Variants in MAP3K4 observed in about 807,000 individuals in gnomAD.
The protein encoded by MAP3K4 is mitogen-activated protein kinase kinase kinase 4.
A neutral mutation model predicts 185.6 loss-of-function variants in MAP3K4; 67 were observed. The observed-to-expected ratio is 0.36, with a 90% CI of 0.30 to 0.44. MAP3K4 has a LOEUF of 0.44. Among genes scored for constraint, MAP3K4 ranks in the 20% least tolerant of loss-of-function variants. The probability of loss-of-function intolerance (pLI) is 1.00; values close to 1 mark genes in which losing one functional copy is unlikely to be tolerated. For missense variants in MAP3K4, 1,551 were observed against 1,995.1 expected (o/e 0.78, Z 4.24); for synonymous variants, 702 against 710.4 (o/e 0.99, Z 0.19).
intron 1 of MAP3K4, among the ~76,000 whole-genome samples, chr6:161,033,160 T>G (rs2115164584): frequency 6.6e-6 from 1 of 152,308 alleles, no homozygotes; most frequent in Non-Finnish European, 1.5e-5. Flanking sequence ...AGATATGAAT[T>G]GCCAGGAAGA....
intron 3 of MAP3K4, among the ~76,000 whole-genome samples, chr6:161,060,769 G>A (rs1447217839): frequency 2.0e-5 from 3 of 151,800 alleles, no homozygotes; most frequent in Non-Finnish European, 2.9e-5. Context: ...ACAGGCATGC[G>A]CCACCACGCC....
At chr6:161,039,306 A>G (rs1319553660) in intron 2 of MAP3K4, among the ~76,000 whole-genome samples, 1 of 150,568 alleles carries the variant, frequency 6.6e-6, no homozygotes, top group East Asian at 2.0e-4. Context: ...AAAAACATCA[A>G]GTACATCCCT....
At chr6:161,001,316 A>G (rs997158773) in intron 1 of MAP3K4, among the ~76,000 whole-genome samples, 5 of 151,916 alleles carry the variant, frequency 3.3e-5, no homozygotes, top group South Asian at 2.1e-4. Flanking sequence ...AATTCAAACA[A>G]TATATTTCAC....
intron 1 of MAP3K4, among the ~76,000 whole-genome samples, chr6:161,014,006 C>T (rs866309435): frequency 1.3e-5 from 2 of 152,130 alleles, no homozygotes; most frequent in South Asian, 2.1e-4. Flanking sequence ...AGTCCAGTCC[C>T]GCCTTCATTG....
chr6:161,016,954 T>A (rs921135704), intron 1 of MAP3K4, among the ~76,000 whole-genome samples: 18 of 152,346 alleles, frequency 1.2e-4, no homozygotes, highest in African/African-American at 4.3e-4. Context: ...TAGAATTTCC[T>A]AGCTGTGTCT....
Position 161,097,131 on chromosome 6 carries a change from A to G in MAP3K4, c.3479A>G (p.Asp1160Gly). The part of the protein sequence containing the change: ...RPMKVPRCHS[D>G]PPNPHLIIPT... ...ATGAAGGTACCTCGATGCCATAGTG[A>G]CCCTCCTAACCCACACCTCATTATC... Residue 1160 changes from aspartate to glycine, a missense_variant, in exon 16 of 27, where the codon GAC becomes GGC. Physicochemically the swap from Asp to Gly is moderately conservative, Grantham distance 94 (BLOSUM62 -1). This residue lies in a region of MAP3K4 where 272 missense variants were observed against 301.2 expected (regional missense o/e 0.90). Coordinates refer to ENST00000392142, the MANE Select transcript of MAP3K4 (RefSeq NM_005922.4). This position sits in a 1 kb window ranked among gnomAD's most constrained non-coding sequence, Gnocchi z 4.9. 1 of 1,614,002 alleles carries G rather than the reference A, an allele frequency of 6.2e-7. No individual in the cohort carries two copies. The highest frequency in any genetic ancestry group is 8.5e-7 in the Non-Finnish European group (1 of 1,180,008).
chr6:160,992,835 A>G (rs1049014087), intron 1 of MAP3K4, among the ~76,000 whole-genome samples: 1 of 151,956 alleles, frequency 6.6e-6, no homozygotes, highest in Non-Finnish European at 1.5e-5. Context: ...TTTAATTGAG[A>G]GAACAAACTC....
At position 161,087,068 on chromosome 6, in the gene MAP3K4, T is replaced by C. The variant is rs1395810663; in HGVS notation, c.2556+401T>C. Among the ~76,000 whole-genome samples, 1 of 152,198 alleles carries C rather than the reference T, an allele frequency of 6.6e-6. No homozygotes were observed. The highest frequency in any genetic ancestry group is 1.5e-5 in the Non-Finnish European group (1 of 68,024). ...ATCCTGGTCATCACTAGAGCCACTT[T>C]TTGAGTCAGCAACTTTACTCCACTT... On this transcript the variant is annotated intron_variant, in intron 9 of 26. Coordinates refer to ENST00000392142, the MANE Select transcript of MAP3K4 (RefSeq NM_005922.4). This position sits in a 1 kb window ranked among gnomAD's most constrained non-coding sequence, Gnocchi z 4.9.
intron 1 of MAP3K4, among the ~76,000 whole-genome samples, chr6:161,029,225 G>A (rs1324828534): frequency 6.6e-6 from 1 of 151,106 alleles, no homozygotes; most frequent in Non-Finnish European, 1.5e-5. Context: ...GCTAAATGAA[G>A]TGTTTTGGGT....
At chr6:161,018,970 T>C (rs1262552360) in intron 1 of MAP3K4, among the ~76,000 whole-genome samples, 1 of 152,180 alleles carries the variant, frequency 6.6e-6, no homozygotes, top group Non-Finnish European at 1.5e-5. Context: ...AATTTAGGGA[T>C]ATAGCAGTAG....
At chr6:161,042,588 C>T (rs1190440231) in intron 2 of MAP3K4, among the ~76,000 whole-genome samples, 2 of 152,086 alleles carry the variant, frequency 1.3e-5, no homozygotes, top group African/African-American at 4.8e-5. Flanking sequence ...GATTTTGATA[C>T]GTTTTGGACA....
Position 161,100,690 on chromosome 6 carries a change from G to T in MAP3K4, c.3675-1202G>T, listed in dbSNP as rs1231682087. On this transcript the variant is annotated intron_variant, in intron 17 of 26. Transcript: ENST00000392142. The surrounding 1 kb of genome is among the most constrained non-coding windows in gnomAD (Gnocchi z 5.8). ...GTATATGTTCTTGCTTTTTACCCGTGCAAAAATCTCTTAAGGACATGGAAT... is the reference window on the plus strand; with the variant it reads ...GTATATGTTCTTGCTTTTTACCCGTTCAAAAATCTCTTAAGGACATGGAAT... Among the ~76,000 whole-genome samples, 4 of 151,950 alleles carry T rather than the reference G, an allele frequency of 2.6e-5. No homozygotes were observed. Among genetic ancestry groups the T allele is most frequent in the African/African-American group, 7.3e-5 (3 of 41,358 alleles).
In MAP3K4 at chr6:161,022,748, C is replaced by T. The variant is rs1185027583; in HGVS notation, c.153-11511C>T. ...TACCTGTAGGAATCCTTGGGTACCT[C>T]GCATGTAACAGAGCACCTCCCATCA... On this transcript the variant is annotated intron_variant, in intron 1 of 26. Transcript: ENST00000392142. The surrounding 1 kb of genome is among the most constrained non-coding windows in gnomAD (Gnocchi z 4.2). Among the ~76,000 whole-genome samples, 1 of 152,118 alleles carries T rather than the reference C, an allele frequency of 6.6e-6. No individual in the cohort carries two copies. Among genetic ancestry groups the T allele is most frequent in the East Asian group, 1.9e-4 (1 of 5,194 alleles).
chr6:161,083,488 A>C (rs993232505), intron 6 of MAP3K4, among the ~76,000 whole-genome samples: 1 of 151,768 alleles, frequency 6.6e-6, no homozygotes, highest in Non-Finnish European at 1.5e-5. Flanking sequence ...TTTAAAATTT[A>C]CTCTCTTTGC....
At chr6:161,057,604 T>A (rs1197257133) in intron 3 of MAP3K4, among the ~76,000 whole-genome samples, 1 of 152,132 alleles carries the variant, frequency 6.6e-6, no homozygotes, top group Non-Finnish European at 1.5e-5. Context: ...TAAACAAACC[T>A]CCTGTGTGCC....
chr6:161,013,255 A>T (rs1207697604), intron 1 of MAP3K4, among the ~76,000 whole-genome samples: 1 of 152,048 alleles, frequency 6.6e-6, no homozygotes, highest in Non-Finnish European at 1.5e-5. Flanking sequence ...TTCATGTTTC[A>T]CTGCTATATA....
In MAP3K4 at chr6:161,114,968, G is replaced by A. The variant is rs1283700954; in HGVS notation, c.4627-155G>A. 6.6e-6 allele frequency among the ~76,000 whole-genome samples: 1 copy of A among 152,162 alleles called. No individual in the cohort carries two copies. Among genetic ancestry groups the A allele is most frequent in the African/African-American group, 2.4e-5 (1 of 41,414 alleles). On this transcript the variant is annotated intron_variant, in intron 25 of 26. Coordinates refer to ENST00000392142, the MANE Select transcript of MAP3K4 (RefSeq NM_005922.4). This position sits in a 1 kb window ranked among gnomAD's most constrained non-coding sequence, Gnocchi z 4.3. Reference sequence around the variant, plus strand: ...GAATAGTTGTGATAGAGATCATATGGCCTGTCAACCTAAAATATTGTTTGG... The same window carrying A: ...GAATAGTTGTGATAGAGATCATATGACCTGTCAACCTAAAATATTGTTTGG...
chr6:161,012,123 A>G (rs1781877057), intron 1 of MAP3K4, among the ~76,000 whole-genome samples: 1 of 152,236 alleles, frequency 6.6e-6, no homozygotes, highest in Non-Finnish European at 1.5e-5. Flanking sequence ...TTTGCCACTC[A>G]GCAATAGCTA....
Position 161,043,069 on chromosome 6 carries a change from C to G in MAP3K4, c.344-5547C>G, listed in dbSNP as rs1783563556. Among the ~76,000 whole-genome samples the G allele has an allele frequency of 3.3e-5, 5 of 152,136 alleles. No homozygotes were observed. In the South Asian group the frequency reaches 1.0e-3, roughly 32 times the overall value. ...AGAATGTTTGCTTTTTAAAGAATAT[C>G]ATACTGATGTAAAATGGAGCTGGTA... is the stretch of plus-strand genomic sequence containing the variant. On this transcript the variant is annotated intron_variant, in intron 2 of 26. Transcript: ENST00000392142. The surrounding 1 kb of genome is among the most constrained non-coding windows in gnomAD (Gnocchi z 4.3).
Sources: gnomAD v4.1 joint callset for allele counts (sites outside exome capture counted in the v4.1 genomes callset) on GRCh38, gnomAD v4.1.1 for gene constraint, gnomAD v4.1.1 regional missense constraint, Gnocchi (gnomAD v3.1) non-coding constraint, MANE v1.5 for transcripts, NCBI Gene and HGNC (gene_info 2026-07-23, HGNC 2026-07-21) for gene names.